GABRB1: variants seen among roughly 807,000 people sequenced by gnomAD.
GABRB1 encodes the protein gamma-aminobutyric acid type A receptor subunit beta1.
A neutral mutation model predicts 51.6 loss-of-function variants in GABRB1; 17 were observed. That is an observed-to-expected ratio of 0.33 (90% CI 0.23 to 0.49). The LOEUF is 0.49. Ranked by LOEUF, GABRB1 falls within the 20% of genes least tolerant of loss-of-function variation. GABRB1 has a pLI of 0.99. For missense variants in GABRB1, 410 were observed against 600.6 expected (o/e 0.68, Z 3.32); for synonymous variants, 247 against 218.9 (o/e 1.13, Z -1.14).
chr4:47,147,458 A>C (rs1717221617), intron 3 of GABRB1, among the ~76,000 whole-genome samples: 1 of 152,086 alleles, frequency 6.6e-6, no homozygotes, highest in Admixed American at 6.6e-5. Flanking sequence ...AGCAAATAGT[A>C]GTTTGGGCAT....
chr4:47,262,603 A>G (rs1215966946), intron 4 of GABRB1, among the ~76,000 whole-genome samples: 2 of 152,208 alleles, frequency 1.3e-5, no homozygotes, highest in Non-Finnish European at 2.9e-5. Context: ...GTGGGAGTGT[A>G]AACTAGTTCA....
chr4:47,298,544 C>T (rs1228769367), intron 4 of GABRB1, among the ~76,000 whole-genome samples: 1 of 152,110 alleles, frequency 6.6e-6, no homozygotes, highest in East Asian at 1.9e-4. Flanking sequence ...ATGTGAAGCA[C>T]CTCTTCAAGG....
intron 1 of GABRB1, among the ~76,000 whole-genome samples, chr4:47,005,642 T>A (rs1560493360): frequency 6.7e-6 from 1 of 150,356 alleles, no homozygotes; most frequent in Non-Finnish European, 1.5e-5. Context: ...GTCAGCTTTT[T>A]TTAAGCCTCC....
chr4:47,036,163 A>G (rs1158415035), intron 3 of GABRB1, among the ~76,000 whole-genome samples: 2 of 152,246 alleles, frequency 1.3e-5, no homozygotes, highest in African/African-American at 4.8e-5. Context: ...AACGATGACA[A>G]AAACGAAAAT....
At chr4:47,224,543 C>T (rs1200670414) in intron 4 of GABRB1, among the ~76,000 whole-genome samples, 1 of 152,030 alleles carries the variant, frequency 6.6e-6, no homozygotes, top group African/African-American at 2.4e-5. Flanking sequence ...ATGATTCTCC[C>T]TTTAAAACAG....
intron 4 of GABRB1, among the ~76,000 whole-genome samples, chr4:47,288,214 A>G (rs1723586601): frequency 6.6e-6 from 1 of 151,832 alleles, no homozygotes; most frequent in Non-Finnish European, 1.5e-5. Context: ...GATTGTTAGC[A>G]CCTTGAACCT....
chr4:47,424,870 G>A (rs1729216284), intron 8 of GABRB1, among the ~76,000 whole-genome samples: 1 of 152,158 alleles, frequency 6.6e-6, no homozygotes, highest in Admixed American at 6.5e-5. Flanking sequence ...AGGAAACCTG[G>A]GATAGGTATC....
chr4:47,109,703 G>A (rs1192714342), intron 3 of GABRB1, among the ~76,000 whole-genome samples: 1 of 152,164 alleles, frequency 6.6e-6, no homozygotes, highest in Admixed American at 6.5e-5. Context: ...CACCTGGGAT[G>A]CTGAAGCTCA....
chr4:47,194,047 A>C (rs2109787033), intron 4 of GABRB1, among the ~76,000 whole-genome samples: 1 of 152,338 alleles, frequency 6.6e-6, no homozygotes, highest in Middle Eastern at 3.4e-3. Context: ...GCTTCTCTTT[A>C]AATTTTCTCC....
At chr4:47,184,172 A>G (rs193022370) in intron 4 of GABRB1, among the ~76,000 whole-genome samples, 41 of 152,036 alleles carry the variant, frequency 2.7e-4, no homozygotes, top group Admixed American at 7.2e-4. Context: ...TCAGAACAAC[A>G]TTGAAGGAAA....
chr4:47,123,784 T>G (rs1181815139), intron 3 of GABRB1, among the ~76,000 whole-genome samples: 2 of 89,494 alleles, frequency 2.2e-5, no homozygotes, highest in African/African-American at 4.6e-5. Context: ...CATATATTAT[T>G]ATATATAATA....
At chr4:47,151,047 T>C (rs989753830) in intron 3 of GABRB1, among the ~76,000 whole-genome samples, 17 of 152,000 alleles carry the variant, frequency 1.1e-4, no homozygotes, top group African/African-American at 4.1e-4. Context: ...CCCCAGGGAC[T>C]ATCAAGAGAC....
At chr4:47,244,944 C>A (rs1314310000) in intron 4 of GABRB1, among the ~76,000 whole-genome samples, 1 of 151,990 alleles carries the variant, frequency 6.6e-6, no homozygotes, top group Non-Finnish European at 1.5e-5. Context: ...ACTAGAGAAG[C>A]AAGAGCAAAC....
chr4:47,369,434 TACACACAC>T (rs34999907), intron 5 of GABRB1, among the ~76,000 whole-genome samples: 13,989 of 149,864 alleles, frequency 0.093, 765 homozygotes, highest in Non-Finnish European at 0.13. Flanking sequence ...TCTTTCTATT[TACACACAC>T]ACACACACAC....
At chr4:47,032,324 A>T in intron 2 of GABRB1, 93 bp from the exon 3 acceptor site, 1 of 1,173,318 alleles carries the variant, frequency 8.5e-7, no homozygotes, top group Non-Finnish European at 1.2e-6. Flanking sequence ...GGAGCCCGTT[A>T]AGAATGGAGT....
Position 47,070,583 on chromosome 4 carries a change from C to T in GABRB1, c.240+38099C>T, listed in dbSNP as rs182753794. 9.2e-5 allele frequency among the ~76,000 whole-genome samples: 14 copies of T among 151,406 alleles called. No individual in the cohort carries two copies. In the East Asian group the frequency reaches 2.4e-3, roughly 25 times the overall value. ...CTGACCTCAGGTGATCCAACTGCCT[C>T]GACCTCCCAAAGTGCTGGGATTACA... is the stretch of plus-strand genomic sequence containing the variant. On this transcript the variant is annotated intron_variant, in intron 3 of 8. Transcript: ENST00000295454.
intron 4 of GABRB1, among the ~76,000 whole-genome samples, chr4:47,286,561 T>A (rs1363055443): frequency 1.3e-5 from 2 of 150,070 alleles, no homozygotes; most frequent in Non-Finnish European, 2.9e-5. Context: ...GTAATGTGTG[T>A]ATGTTGTATT....
chr4:47,016,342 C>A (rs1577827557), intron 1 of GABRB1, among the ~76,000 whole-genome samples: 1 of 152,076 alleles, frequency 6.6e-6, no homozygotes, highest in Admixed American at 6.6e-5. Context: ...AAAGCCAATT[C>A]TATTATCTTT....
At chr4:47,084,672 T>A (rs756872575) in intron 3 of GABRB1, among the ~76,000 whole-genome samples, 4 of 152,220 alleles carry the variant, frequency 2.6e-5, no homozygotes, top group Non-Finnish European at 4.4e-5. Flanking sequence ...GATTCTGAGC[T>A]TCCCATCTCT....
Sources: gnomAD v4.1 joint callset for allele counts (sites outside exome capture counted in the v4.1 genomes callset) on GRCh38, gnomAD v4.1.1 for gene constraint, MANE v1.5 for transcripts, NCBI Gene and HGNC (gene_info 2026-07-23, HGNC 2026-07-21) for gene names.